The following CPNE8 variants were observed in gnomAD, a reference collection of about 807,000 sequenced individuals.
CPNE8 encodes copine 8, also known as copine-8.
In CPNE8, 45 loss-of-function variants were observed where a neutral mutation model predicts 81.5. That is an observed-to-expected ratio of 0.55 (90% confidence interval 0.44 to 0.71). The LOEUF is 0.71. Ranked by LOEUF, CPNE8 falls within the 30% of genes least tolerant of loss-of-function variation. CPNE8 has a pLI of 0.00. For missense variants in CPNE8, 594 were observed against 672.1 expected (o/e 0.88, Z 1.28); for synonymous variants, 252 against 226.3 (o/e 1.11, Z -1.02).
chr12:38,819,994 GA>G (rs1036413085), intron 6 of CPNE8, among the ~76,000 whole-genome samples: 3 of 151,464 alleles, frequency 2.0e-5, no homozygotes, highest in African/African-American at 2.4e-5. Flanking sequence ...TACACAAGAG[GA>G]AAAAAAAGAA....
intron 13 of CPNE8, among the ~76,000 whole-genome samples, chr12:38,720,449 C>T (rs371074781): frequency 4.6e-5 from 7 of 152,204 alleles, no homozygotes; most frequent in South Asian, 2.1e-4. Flanking sequence ...GCTGACCGAA[C>T]GTACTGGATA....
At chr12:38,682,798 T>C (rs528035824) in intron 16 of CPNE8, among the ~76,000 whole-genome samples, 2 of 152,282 alleles carry the variant, frequency 1.3e-5, no homozygotes, top group South Asian at 4.2e-4. Context: ...TCTCTGTGAC[T>C]GAAGTGCAGT....
intron 6 of CPNE8, among the ~76,000 whole-genome samples, chr12:38,815,168 CTGGGT>C (rs1943004566): frequency 1.3e-5 from 2 of 152,196 alleles, no homozygotes; most frequent in Admixed American, 1.3e-4. Context: ...GGTGCCACCA[CTGGGT>C]CCTGGGCTCC....
chr12:38,802,623 TC>T (rs1213041263), intron 6 of CPNE8, among the ~76,000 whole-genome samples: 6 of 149,662 alleles, frequency 4.0e-5, no homozygotes, highest in Admixed American at 6.7e-5. Context: ...GCAAACACAT[TC>T]AAAAGCTGGC....
At chr12:38,686,582 A>T (rs1219259743) in intron 15 of CPNE8, among the ~76,000 whole-genome samples, 2 of 152,234 alleles carry the variant, frequency 1.3e-5, no homozygotes, top group Non-Finnish European at 2.9e-5. Context: ...ATGAACATTT[A>T]TTATCTCACA....
At chr12:38,664,971 T>A (rs1236628520) in intron 19 of CPNE8, among the ~76,000 whole-genome samples, 4 of 152,108 alleles carry the variant, frequency 2.6e-5, no homozygotes, top group Non-Finnish European at 4.4e-5. Flanking sequence ...AAAAAGTCAC[T>A]AGCCTAAACT....
intron 16 of CPNE8, among the ~76,000 whole-genome samples, chr12:38,680,258 G>C (rs1315217758): frequency 6.6e-6 from 1 of 151,896 alleles, no homozygotes; most frequent in Non-Finnish European, 1.5e-5. Context: ...AGAATAGAGA[G>C]GGCAAGAATA....
chr12:38,746,191 T>TA lies in CPNE8; in HGVS notation c.722+14655dup, dbSNP rs551674890. 5.0e-3 allele frequency among the ~76,000 whole-genome samples: 751 copies of TA among 151,288 alleles called. 5 individuals are homozygous for TA. The highest frequency in any genetic ancestry group is 0.016 in the African/African-American group (669 of 41,282). ...AGATATTCAAAATATTCTTCAATAT[T>TA]AAAAAAAAACCCTTTTGAACATAGA... On this transcript the variant is annotated intron_variant, in intron 10 of 19. Coordinates refer to ENST00000331366, the MANE Select transcript of CPNE8 (RefSeq NM_153634.3).
chr12:38,841,010 A>G (rs536304172), intron 4 of CPNE8, among the ~76,000 whole-genome samples: 1 of 152,180 alleles, frequency 6.6e-6, no homozygotes, highest in African/African-American at 2.4e-5. Flanking sequence ...GCCTCTTTAA[A>G]GGTTAAAGTC....
intron 13 of CPNE8, among the ~76,000 whole-genome samples, chr12:38,707,996 C>G (rs1038326014): frequency 1.3e-5 from 2 of 152,168 alleles, no homozygotes; most frequent in Non-Finnish European, 2.9e-5. Flanking sequence ...TGTTCAATGA[C>G]AAAGATAGCA....
intron 3 of CPNE8, among the ~76,000 whole-genome samples, chr12:38,871,588 A>G (rs542376448): frequency 6.6e-6 from 1 of 152,318 alleles, no homozygotes; most frequent in African/African-American, 2.4e-5. Flanking sequence ...AGGGAGGACA[A>G]AAGAGAAAAT....
At chr12:38,658,961 A>G (rs576141981) in intron 19 of CPNE8, among the ~76,000 whole-genome samples, 1 of 152,360 alleles carries the variant, frequency 6.6e-6, no homozygotes, top group South Asian at 2.1e-4. Flanking sequence ...AAGTGTAAAG[A>G]CCATCAATGC....
chr12:38,734,020 C>CTT (rs1813218951), intron 10 of CPNE8, among the ~76,000 whole-genome samples: 1 of 151,148 alleles, frequency 6.6e-6, no homozygotes, highest in Non-Finnish European at 1.5e-5. Flanking sequence ...TGCTTCATTC[C>CTT]CTTTTTTGCT....
intron 13 of CPNE8, among the ~76,000 whole-genome samples, chr12:38,716,411 A>G (rs1231149217): frequency 6.6e-6 from 1 of 152,152 alleles, no homozygotes; most frequent in Non-Finnish European, 1.5e-5. Context: ...CTACAAGGCT[A>G]TAGTTACTAA....
intron 3 of CPNE8, among the ~76,000 whole-genome samples, chr12:38,851,216 C>G (rs1943641433): frequency 6.6e-6 from 1 of 152,184 alleles, no homozygotes; most frequent in Non-Finnish European, 1.5e-5. Context: ...GGTTTTAAAT[C>G]CCATCTACAT....
At chr12:38,849,721 A>C (rs1446271261) in intron 3 of CPNE8, among the ~76,000 whole-genome samples, 2 of 152,262 alleles carry the variant, frequency 1.3e-5, no homozygotes, top group African/African-American at 4.8e-5. Context: ...TTTATATCAC[A>C]GACCAATATC....
intron 11 of CPNE8, among the ~76,000 whole-genome samples, chr12:38,728,559 AAAAAC>A (rs1168448363): frequency 6.6e-5 from 10 of 152,058 alleles, no homozygotes; most frequent in African/African-American, 1.4e-4. Flanking sequence ...ACAAAAAAAG[AAAAAC>A]AAAACAAAAC....
At chr12:38,850,223 C>A (rs1943624577) in intron 3 of CPNE8, among the ~76,000 whole-genome samples, 1 of 152,110 alleles carries the variant, frequency 6.6e-6, no homozygotes, top group South Asian at 2.1e-4. Flanking sequence ...GTTTCCAAAC[C>A]AGAGCAGAGA....
intron 19 of CPNE8, among the ~76,000 whole-genome samples, chr12:38,660,290 G>C (rs1188776183): frequency 6.6e-6 from 1 of 152,170 alleles, no homozygotes; most frequent in Non-Finnish European, 1.5e-5. Flanking sequence ...GAACAGAACA[G>C]AGGCCTCAGA....
Sources: allele counts gnomAD v4.1 joint callset (sites outside exome capture counted in the v4.1 genomes callset), GRCh38; gene constraint gnomAD v4.1.1; transcripts MANE v1.5; gene names NCBI Gene and HGNC (gene_info 2026-07-23, HGNC 2026-07-21).